The following DCHS2 variants were observed in gnomAD, a reference collection of about 807,000 sequenced individuals.
DCHS2 encodes protocadherin-23.
Under a neutral mutation model 182.4 loss-of-function variants are expected in DCHS2, and 142 were observed. The ratio of observed to expected loss-of-function variants is 0.78; its 90% CI spans 0.68 to 0.89. DCHS2 has a LOEUF of 0.89. DCHS2 is among the 40% of genes least tolerant of loss of function. The pLI is 0.00. For missense variants in DCHS2, 4,319 were observed against 4,198.6 expected, an observed-to-expected ratio of 1.03 and a Z score of -0.79; for synonymous variants, 1,740 against 1,663.3, an observed-to-expected ratio of 1.05 and a Z score of -1.12.
intron 3 of DCHS2, chr4:154,354,619 C>G (rs527464223): frequency 6.6e-6 from 1 of 152,344 alleles, no homozygotes; most frequent in Non-Finnish European, 1.5e-5. Flanking sequence ...ATCTAGGACA[C>G]TGCTGCCAGA....
At chr4:154,295,063 T>C (rs543057017) in intron 13 of DCHS2, among the ~76,000 whole-genome samples, 13 of 152,350 alleles carry the variant, frequency 8.5e-5, no homozygotes, top group Admixed American at 7.8e-4. Flanking sequence ...TCATGGTGTA[T>C]ATATCAGTCT....
chr4:154,261,098 C>G (rs761777787), intron 14 of DCHS2, among the ~76,000 whole-genome samples: 2 of 152,156 alleles, frequency 1.3e-5, no homozygotes, highest in Non-Finnish European at 2.9e-5. Flanking sequence ...TGAATGAACA[C>G]TAATTTGGAG....
chr4:154,249,673 A>T (rs910438952), intron 16 of DCHS2, among the ~76,000 whole-genome samples: 1 of 152,202 alleles, frequency 6.6e-6, no homozygotes, highest in Non-Finnish European at 1.5e-5. Flanking sequence ...GGTGCCTGTT[A>T]ATGGTGGATT....
At chr4:154,337,020 C>T (rs1578981156) in intron 3 of DCHS2, among the ~76,000 whole-genome samples, 1 of 152,258 alleles carries the variant, frequency 6.6e-6, no homozygotes, top group East Asian at 1.9e-4. Flanking sequence ...TATTAGTACA[C>T]CAGCTTTTAG....
chr4:154,453,432 C>T (rs1179843636), intron 1 of DCHS2, among the ~76,000 whole-genome samples: 1 of 152,002 alleles, frequency 6.6e-6, no homozygotes, highest in African/African-American at 2.4e-5. Context: ...GGATTCCAGA[C>T]ATCTTCAGAG....
At chr4:154,245,595 A>G (rs1417716720) in intron 16 of DCHS2, among the ~76,000 whole-genome samples, 1 of 152,144 alleles carries the variant, frequency 6.6e-6, no homozygotes, top group African/African-American at 2.4e-5. Context: ...AATAACTATG[A>G]AAAGAAAAAC....
At chr4:154,283,575 C>G (rs954249522) in intron 13 of DCHS2, among the ~76,000 whole-genome samples, 9 of 151,976 alleles carry the variant, frequency 5.9e-5, no homozygotes, top group Non-Finnish European at 1.3e-4. Flanking sequence ...TTTAATGAGG[C>G]AACTTTCAAA....
At chr4:154,310,087 G>A (rs902766732) in intron 10 of DCHS2, among the ~76,000 whole-genome samples, 3 of 152,294 alleles carry the variant, frequency 2.0e-5, no homozygotes, top group African/African-American at 7.2e-5. Flanking sequence ...GACTATTCAT[G>A]TAAATACCCA....
At chr4:154,397,611 G>A (rs1731989154) in intron 1 of DCHS2, among the ~76,000 whole-genome samples, 1 of 152,142 alleles carries the variant, frequency 6.6e-6, no homozygotes, top group Non-Finnish European at 1.5e-5. Context: ...TCCCTCCTTA[G>A]TGGGTACCTT....
chr4:154,352,082 C>T (rs1348936517), intron 3 of DCHS2, among the ~76,000 whole-genome samples: 1 of 152,112 alleles, frequency 6.6e-6, no homozygotes, highest in Non-Finnish European at 1.5e-5. Context: ...TACATACACA[C>T]ACAGAGAGAC....
At chr4:154,282,551 T>G (rs1401562229) in intron 13 of DCHS2, among the ~76,000 whole-genome samples, 1 of 151,858 alleles carries the variant, frequency 6.6e-6, no homozygotes, top group Non-Finnish European at 1.5e-5. Flanking sequence ...GTCGAGAAAT[T>G]GGAACCTTTG....
chr4:154,295,855 C>G (rs1734904043), intron 13 of DCHS2, among the ~76,000 whole-genome samples: 1 of 152,162 alleles, frequency 6.6e-6, no homozygotes, highest in Non-Finnish European at 1.5e-5. Context: ...CCCAGCCTTA[C>G]CAAGAGTGGA....
intron 16 of DCHS2, among the ~76,000 whole-genome samples, chr4:154,243,564 G>T (rs1419311758): frequency 6.6e-6 from 1 of 152,100 alleles, no homozygotes; most frequent in Non-Finnish European, 1.5e-5. Context: ...TACCTTCAGA[G>T]CCCTCATGTA....
chr4:154,478,265 A>G (rs1468838566), intron 1 of DCHS2, among the ~76,000 whole-genome samples: 1 of 152,226 alleles, frequency 6.6e-6, no homozygotes, highest in Non-Finnish European at 1.5e-5. Flanking sequence ...ATTGAAAGTA[A>G]TAGAAATTGA....
chr4:154,303,771 C>T (rs889638422), intron 12 of DCHS2, among the ~76,000 whole-genome samples: 8 of 152,272 alleles, frequency 5.3e-5, no homozygotes, highest in South Asian at 2.1e-4. Context: ...CCACCTTCAC[C>T]GCATTTTGAC....
chr4:154,434,754 G>A (rs939864222), intron 1 of DCHS2, among the ~76,000 whole-genome samples: 2 of 152,194 alleles, frequency 1.3e-5, no homozygotes, highest in Non-Finnish European at 2.9e-5. Flanking sequence ...CTGATATGAT[G>A]TGATGAAAAT....
intron 9 of DCHS2, among the ~76,000 whole-genome samples, chr4:154,318,536 A>G (rs1735941240): frequency 6.6e-6 from 1 of 152,108 alleles, no homozygotes; most frequent in Non-Finnish European, 1.5e-5. Flanking sequence ...TACAAAAATC[A>G]GTTGCATTTC....
rs1045060228 is a variant in DCHS2, at chr4:154,462,195, G to T, written c.2052+27109C>A. 2.0e-5 allele frequency among the ~76,000 whole-genome samples: 3 copies of T among 152,058 alleles called. No homozygotes were observed. The East Asian group carries it at 5.8e-4, about 29-fold the overall frequency. ...TTGCTCTTTGTCTCAAGTTACAAATGATACATCCAATTTTTGCCTTAGATT... is the reference window on the plus strand; with the variant it reads ...TTGCTCTTTGTCTCAAGTTACAAATTATACATCCAATTTTTGCCTTAGATT... On this transcript the variant is annotated intron_variant, in intron 1 of 19. Transcript: ENST00000357232.
rs1390737318 is a variant in DCHS2, at chr4:154,491,790, G to C, written c.-435C>G. On this transcript the variant is annotated 5_prime_UTR_variant, in exon 1 of 20. Coordinates refer to ENST00000357232, the MANE Select transcript of DCHS2 (RefSeq NM_001358235.2). ...GAGGATGGGGATCTGGCCGGAGTAG[G>C]GGGTGGAGTAAGGGCGTGGAGGCAG... 1 of 990,566 alleles carries C rather than the reference G, an allele frequency of 1.0e-6. No homozygotes were observed. Among genetic ancestry groups the C allele is most frequent in the African/African-American group, 1.7e-5 (1 of 57,258 alleles). 61.4% of individuals were successfully genotyped at this position (990,566 alleles called of 1,614,324 possible). A position where few individuals can be genotyped will look rare whatever the true frequency, so the allele number is the denominator to read the frequency against.
Sources: gnomAD v4.1 joint callset for allele counts (sites outside exome capture counted in the v4.1 genomes callset) on GRCh38, gnomAD v4.1.1 for gene constraint, MANE v1.5 for transcripts, NCBI Gene and HGNC (gene_info 2026-07-23, HGNC 2026-07-21) for gene names.